PSG1: variants seen among roughly 807,000 people sequenced by gnomAD.
PSG1 encodes pregnancy specific beta-1-glycoprotein 1.
Under a neutral mutation model 41.4 loss-of-function variants are expected in PSG1, and 60 were observed. The ratio of observed to expected loss-of-function variants is 1.45; its 90% CI spans 1.18 to 1.80. The LOEUF is 1.80. PSG1 is among the 40% of genes most tolerant of loss of function. The pLI, the probability that PSG1 is intolerant of heterozygous loss-of-function variation, is 0.00. For synonymous variants in PSG1, 256 were observed against 192.9 expected, an observed-to-expected ratio of 1.33 and a Z score of -2.71; for missense variants, 806 against 516.9, an observed-to-expected ratio of 1.56 and a Z score of -5.42.
chr19:42,872,328 CCT>C (rs1389423200), intron 2 of PSG1, among the ~76,000 whole-genome samples: 2 of 151,592 alleles, frequency 1.3e-5, no homozygotes, highest in African/African-American at 4.8e-5. Context: ...GCCCCTGGTG[CCT>C]CTGTGTGTCC....
intron 3 of PSG1, 180 bp from the exon 4 acceptor site, chr19:42,869,214 C>T: frequency 2.2e-6 from 3 of 1,365,360 alleles, no homozygotes; most frequent in African/African-American, 1.5e-5. Context: ...GACTGTGAGG[C>T]CGCCTTCTCT....
intron 2 of PSG1, 77 bp downstream of exon 2, chr19:42,877,836 G>T: frequency 1.2e-6 from 2 of 1,608,356 alleles, no homozygotes; most frequent in Non-Finnish European, 1.7e-6. Context: ...GCAGAGTCCA[G>T]GCCTGACAAT....
chr19:42,873,106 TC>T (rs1202273317), intron 2 of PSG1, among the ~76,000 whole-genome samples: 2 of 151,688 alleles, frequency 1.3e-5, no homozygotes, highest in East Asian at 3.9e-4. Flanking sequence ...AGGGTGTTGT[TC>T]CGTGGGTGTG....
At position 42,868,222 on chromosome 19, in the gene PSG1, TA is replaced by T. The variant is rs1971219091; in HGVS notation, c.1121del (p.Leu374HisfsTer36). Reference sequence around the variant, plus strand: ...GGCGGATAAAGAGCTTTTGTCCTGGTAGCTGAAACTTTTCATTAATTGTCCA... The same window carrying T: ...GGCGGATAAAGAGCTTTTGTCCTGGTGCTGAAACTTTTCATTAATTGTCCA... ...YSWTINEKFQ[L>X]PGQKLFIRHI... On this transcript the variant is annotated frameshift_variant, in exon 5 of 6. Transcript: ENST00000436291. LOFTEE classifies it high-confidence loss of function. 1 of 1,612,430 alleles carries T rather than the reference TA, an allele frequency of 6.2e-7. No individual in the cohort carries two copies.
rs1971180655 is a variant in PSG1, at chr19:42,867,496, A to T, written c.1244-346T>A. 4 of 590,010 alleles carry T rather than the reference A, an allele frequency of 6.8e-6. No homozygotes were observed. In the Admixed American group the frequency reaches 1.3e-4, roughly 20 times the overall value. The allele number at this position is 590,010 out of a possible 1,614,324, so 36.5% of individuals were successfully genotyped here. A position where few individuals can be genotyped will look rare whatever the true frequency, so the allele number is the denominator to read the frequency against. ...TGACTTCAGACTTTGCCTGCAGTTC[A>T]TATTGGTTCATTCTATCTATGTTTT... On this transcript the variant is annotated intron_variant, in intron 5 of 5. Coordinates refer to ENST00000436291, the MANE Select transcript of PSG1 (RefSeq NM_001184825.2).
chr19:42,875,470 A>G (rs1421251266), intron 2 of PSG1, among the ~76,000 whole-genome samples: 1 of 151,606 alleles, frequency 6.6e-6, no homozygotes, highest in Non-Finnish European at 1.5e-5. Flanking sequence ...AGAACGTGAG[A>G]TTGGTCTTTT....
chr19:42,878,214 G>C lies in PSG1; in HGVS notation c.129C>G (p.Thr43=), dbSNP rs773325936. The part of the protein sequence containing the change: ...TAQVTIEAEP[T]KVSEGKDVLL... ...GAACATCCTTCCCCTCGGAAACTTTGGTTGGCTCGGCTTCAATCGTGACTT... is the reference window on the plus strand; with the variant it reads ...GAACATCCTTCCCCTCGGAAACTTTCGTTGGCTCGGCTTCAATCGTGACTT... The change falls in exon 2 of 6, where the codon ACC becomes ACG. Residue 43 remains threonine (T), a synonymous_variant. Transcript: ENST00000436291. 1.9e-6 allele frequency: 3 copies of C among 1,611,322 alleles called. No individual in the cohort carries two copies. The highest frequency in any genetic ancestry group is 2.5e-6 in the Non-Finnish European group (3 of 1,178,864).
At chr19:42,874,111 G>A (rs538311289) in intron 2 of PSG1, 54 of 151,746 alleles carry the variant, frequency 3.6e-4, no homozygotes, top group Admixed American at 2.7e-3. Flanking sequence ...TTCCCATTAC[G>A]TGTACATTAC....
At chr19:42,867,969 G>C (rs2122487005) in intron 5 of PSG1, 132 bp downstream of exon 5, 2 of 1,597,902 alleles carry the variant, frequency 1.3e-6, no homozygotes, top group Non-Finnish European at 1.7e-6. Context: ...GGAGGGTTCA[G>C]GAGGAGAATT....
rs1453547847 is a variant in PSG1, at chr19:42,877,837, G to A, written c.430+76C>T. 2.3e-5 allele frequency: 37 copies of A among 1,608,526 alleles called. 3 individuals carry two copies. The highest frequency in any genetic ancestry group is 1.9e-4 in the South Asian group (17 of 90,634). On this transcript the variant is annotated intron_variant, in intron 2 of 5. Coordinates refer to ENST00000436291, the MANE Select transcript of PSG1 (RefSeq NM_001184825.2). ...AGTGAGTGACACAGGCAGAGTCCAG[G>A]CCTGACAATCCTGTGTGTGTGAAGT...
intron 2 of PSG1, among the ~76,000 whole-genome samples, chr19:42,874,669 C>A (rs1311119809): frequency 3.3e-5 from 5 of 151,746 alleles, no homozygotes; most frequent in East Asian, 1.9e-4. Context: ...TGAGTTGTTG[C>A]CTTTTGAGTT....
At chr19:42,870,950 G>T (rs919895578) in intron 3 of PSG1, among the ~76,000 whole-genome samples, 4 of 151,584 alleles carry the variant, frequency 2.6e-5, no homozygotes, top group Non-Finnish European at 5.9e-5. Flanking sequence ...AAGAGTGAAG[G>T]GGACAGGCAA....
chr19:42,869,088 C>T lies in PSG1; in HGVS notation c.710-54G>A, dbSNP rs1006315798. ...CTGTGTGGCACCTTTGATTCCTCCACAGGTATCCTTCAATCAGAGTTGGCA... is the reference window on the plus strand; with the variant it reads ...CTGTGTGGCACCTTTGATTCCTCCATAGGTATCCTTCAATCAGAGTTGGCA... On this transcript the variant is annotated intron_variant, in intron 3 of 5. Transcript: ENST00000436291. 9 of 1,594,650 alleles carry T rather than the reference C, an allele frequency of 5.6e-6. 1 individual carries two copies. The highest frequency in any genetic ancestry group is 3.4e-5 in the Admixed American group (2 of 58,974).
chr19:42,869,597 G>A (rs1398109528), intron 3 of PSG1: 1 of 159,816 alleles, frequency 6.3e-6, no homozygotes, highest in Non-Finnish European at 1.4e-5. Context: ...GGTCAGTTCA[G>A]TCATCAGGCA....
chr19:42,869,042 G>A lies in PSG1; in HGVS notation c.710-8C>T, dbSNP rs1568416908. ...AGGGCTTGGGCAGCTTCGCTGTGTGGATAACAGAGAGAAGATTGTCCTGTG... is the reference window on the plus strand; with the variant it reads ...AGGGCTTGGGCAGCTTCGCTGTGTGAATAACAGAGAGAAGATTGTCCTGTG... On this transcript the variant is annotated splice_region_variant and splice_polypyrimidine_tract_variant and intron_variant, in intron 3 of 5. Transcript: ENST00000436291. The A allele has an allele frequency of 1.2e-5, 19 of 1,603,840 alleles. 1 individual carries two copies. Among genetic ancestry groups the A allele is most frequent in the East Asian group, 4.5e-5 (2 of 44,792 alleles).
At chr19:42,869,073 C>G (rs763686543) in intron 3 of PSG1, 39 bp from the exon 4 acceptor site, 1 of 1,595,548 alleles carries the variant, frequency 6.3e-7, no homozygotes, top group African/African-American at 1.3e-5. Flanking sequence ...CTGTGTGGCA[C>G]CTTTGATTCC....
rs754239322 is a variant in PSG1, at chr19:42,868,168, A to G, written c.1176T>C (p.Tyr392=). 4.6e-5 allele frequency: 74 copies of G among 1,612,336 alleles called. 4 individuals carry two copies. The highest frequency in any genetic ancestry group is 5.6e-5 in the Non-Finnish European group (66 of 1,179,122). Residue 392 remains tyrosine, a synonymous_variant, in exon 5 of 6, where the codon TAT becomes TAC. Transcript: ENST00000436291. ...TGGCTGAGTTACGAACAGAGCAAAC[A>G]TAGAGCCCGCTATGCTTTGTAGTAA... ...RHITTKHSGL[Y]VCSVRNSATG...
intron 3 of PSG1, chr19:42,869,239 C>G: frequency 1.7e-6 from 2 of 1,187,300 alleles, no homozygotes; most frequent in Admixed American, 5.7e-5. Flanking sequence ...TAGGGAAGCA[C>G]AGACTTTCTG....
Position 42,868,258 on chromosome 19 carries a change from T to A in PSG1, c.1086A>T (p.Ala362=). The A allele has an allele frequency of 6.2e-7, 1 of 1,612,306 alleles. No homozygotes were observed. The highest frequency in any genetic ancestry group is 8.5e-7 in the Non-Finnish European group (1 of 1,179,162). Residue 362 remains alanine, a synonymous_variant, in exon 5 of 6, where the codon GCA becomes GCT. Transcript: ENST00000436291. The part of the protein sequence containing the change: ...LSCSADSNPP[A]QYSWTINEKF... ...TTTCATTAATTGTCCAAGAATACTGTGCCGGTGGGTTAGAGTCCGCAGAAC... is the reference window on the plus strand; with the variant it reads ...TTTCATTAATTGTCCAAGAATACTGAGCCGGTGGGTTAGAGTCCGCAGAAC...
Sources: gnomAD v4.1 joint callset for allele counts (sites outside exome capture counted in the v4.1 genomes callset) on GRCh38, gnomAD v4.1.1 for gene constraint, MANE v1.5 for transcripts, NCBI Gene and HGNC (gene_info 2026-07-23, HGNC 2026-07-21) for gene names.